SETD4: variants seen among roughly 807,000 people sequenced by gnomAD.
SETD4 encodes the protein SET domain-containing protein 4.
In SETD4, 46 loss-of-function variants were observed where a neutral mutation model predicts 58.3. The observed-to-expected ratio is 0.79, with a 90% CI of 0.62 to 1.01. The LOEUF is 1.01. SETD4 is among the 50% of genes least tolerant of loss of function. The probability of loss-of-function intolerance (pLI) is 0.00; values close to 1 mark genes in which losing one functional copy is unlikely to be tolerated. For missense variants in SETD4, 490 were observed against 523.3 expected (o/e 0.94, Z 0.62); for synonymous variants, 190 against 202.6 (o/e 0.94, Z 0.53).
intron 6 of SETD4, 21 bp from the exon 7 acceptor site, chr21:36,043,977 G>C (rs906477131): frequency 6.2e-7 from 1 of 1,610,726 alleles, no homozygotes; most frequent in Admixed American, 1.7e-5. Context: ...AAACTGTTAA[G>C]GTATTTTTTA....
intron 5 of SETD4, among the ~76,000 whole-genome samples, chr21:36,046,566 T>C (rs1180930927): frequency 2.0e-5 from 3 of 152,232 alleles, no homozygotes; most frequent in Non-Finnish European, 4.4e-5. Flanking sequence ...GCCACCATAC[T>C]GGACAATGCA....
At chr21:36,055,490 G>A (rs183640894) in intron 3 of SETD4, among the ~76,000 whole-genome samples, 1 of 152,326 alleles carries the variant, frequency 6.6e-6, no homozygotes, top group African/African-American at 2.4e-5. Flanking sequence ...GCTGCGGTCA[G>A]TTCCCAAGGC....
rs550186888 is a variant in SETD4 at position 36,058,093 on chromosome 21, T to C, written c.73+723A>G. On this transcript the variant is annotated intron_variant, in intron 2 of 11. Coordinates refer to ENST00000332131, the MANE Select transcript of SETD4 (RefSeq NM_017438.5). ...GAAGGTCAAGACCAGAAAAAGAAAG[T>C]TGGGAGTCATCCCCAGAGAAGACAG... 3.9e-5 allele frequency among the ~76,000 whole-genome samples: 6 copies of C among 152,362 alleles called. 1 individual carries two copies. The highest frequency in any genetic ancestry group is 1.9e-4 in the East Asian group (1 of 5,190).
Position 36,058,860 on chromosome 21 carries a change from C to A in SETD4, c.29G>T (p.Arg10Leu). 2 of 1,601,578 alleles carry A rather than the reference C, an allele frequency of 1.2e-6. No homozygotes were observed. The highest frequency in any genetic ancestry group is 1.7e-6 in the Non-Finnish European group (2 of 1,175,348). Reference sequence around the variant, plus strand: ...TCCGCAGAGTTTTCGTCTTCTGATCCGGCTTGTTCTCCCTTTTCCTTTCTG... The same window carrying A: ...TCCGCAGAGTTTTCGTCTTCTGATCAGGCTTGTTCTCCCTTTTCCTTTCTG... MQKGKGRTS[R>L]IRRRKLCGSS... The change falls in exon 2 of 12, where the codon CGG (arginine) becomes CTG (leucine). Residue 10 changes from arginine to leucine, a missense_variant. By Grantham distance (102) the Arg-to-Leu change is moderately radical. Coordinates refer to ENST00000332131, the MANE Select transcript of SETD4 (RefSeq NM_017438.5).
intron 4 of SETD4, among the ~76,000 whole-genome samples, chr21:36,052,725 C>T (rs992251355): frequency 1.3e-5 from 2 of 151,996 alleles, no homozygotes; most frequent in Non-Finnish European, 2.9e-5. Context: ...GAAAATCGTG[C>T]GCTAGAGATC....
chr21:36,034,869 CTGAATAT>C lies in SETD4; in HGVS notation c.*1117_*1123del, dbSNP rs1461455400. Reference sequence around the variant, plus strand: ...ATATGATGAAATACACTGCATTATACTGAATATTGAAAAAAAATATACTGCAGCTACT... The same window carrying C: ...ATATGATGAAATACACTGCATTATACTGAAAAAAAATATACTGCAGCTACT... On this transcript the variant is annotated 3_prime_UTR_variant, in exon 12 of 12. Transcript: ENST00000332131. 1 of 152,074 alleles carries C rather than the reference CTGAATAT, an allele frequency of 6.6e-6. No homozygotes were observed. Among genetic ancestry groups the C allele is most frequent in the Non-Finnish European group, 1.5e-5 (1 of 68,014 alleles). 9.4% of individuals were successfully genotyped at this position (152,074 alleles called of 1,614,324 possible). A position where few individuals can be genotyped will look rare whatever the true frequency, so the allele number is the denominator to read the frequency against.
chr21:36,055,368 G>C (rs1277036731), intron 3 of SETD4, among the ~76,000 whole-genome samples: 5 of 152,202 alleles, frequency 3.3e-5, no homozygotes, highest in Non-Finnish European at 7.4e-5. Context: ...GCCATTAGGA[G>C]CTCATGAGAG....
chr21:36,054,111 C>G (rs1255633771), intron 3 of SETD4, among the ~76,000 whole-genome samples: 1 of 152,192 alleles, frequency 6.6e-6, no homozygotes, highest in Non-Finnish European at 1.5e-5. Flanking sequence ...AGACATCCTC[C>G]CCTCTCTGAT....
intron 4 of SETD4, 62 bp downstream of exon 4, chr21:36,053,521 A>T: frequency 6.4e-7 from 1 of 1,564,256 alleles, no homozygotes; most frequent in Non-Finnish European, 8.8e-7. Context: ...ACTTCGTTTG[A>T]ACCGCAAAAA....
chr21:36,054,773 T>A (rs1191351773), intron 3 of SETD4, among the ~76,000 whole-genome samples: 1 of 150,070 alleles, frequency 6.7e-6, no homozygotes, highest in African/African-American at 2.5e-5. Context: ...TCCTGGCAGG[T>A]TGGATTTGAT....
Position 36,041,409 on chromosome 21 carries a change from TGGAATC to T in SETD4, c.983+392_983+397del, listed in dbSNP as rs570205395. On this transcript the variant is annotated intron_variant, in intron 8 of 11. Coordinates refer to ENST00000332131, the MANE Select transcript of SETD4 (RefSeq NM_017438.5). ...TTGAACCCTGTTTAGCCACTTGGCA[TGGAATC>T]ACCTCGCTACCCACCTACCCCAAGA... Among the ~76,000 whole-genome samples, 51 of 152,230 alleles carry T rather than the reference TGGAATC, an allele frequency of 3.4e-4. No homozygotes were observed. The South Asian group carries it at 0.01, about 31-fold the overall frequency.
intron 1 of SETD4, chr21:36,059,741 C>G: frequency 1.0e-6 from 1 of 984,582 alleles, no homozygotes; most frequent in Non-Finnish European, 1.2e-6. Context: ...CTAAAACATA[C>G]GAGGGCAGAA....
At chr21:36,037,968 C>G (rs2063862921) in intron 10 of SETD4, among the ~76,000 whole-genome samples, 182 bp downstream of exon 10, 1 of 152,184 alleles carries the variant, frequency 6.6e-6, no homozygotes, top group Non-Finnish European at 1.5e-5. Flanking sequence ...TGCACTCCAG[C>G]CTGGGCAACA....
chr21:36,043,471 AACG>A (rs911031369), intron 7 of SETD4: 2 of 432,274 alleles, frequency 4.6e-6, no homozygotes, highest in Non-Finnish European at 5.7e-6. Context: ...TGCCAGTGAC[AACG>A]TCTCAGTATA....
chr21:36,057,025 T>A (rs2065018347), intron 3 of SETD4, 84 bp downstream of exon 3: 1 of 1,060,044 alleles, frequency 9.4e-7, no homozygotes, highest in African/African-American at 1.6e-5. Context: ...CAATATCTGC[T>A]GAGGCCCACC....
At position 36,035,012 on chromosome 21, in the gene SETD4, T is replaced by C. The variant is rs1029828627; in HGVS notation, c.*981A>G. 4 of 152,180 alleles carry C rather than the reference T, an allele frequency of 2.6e-5. No individual in the cohort carries two copies. The highest frequency in any genetic ancestry group is 9.7e-5 in the African/African-American group (4 of 41,438). The allele number at this position is 152,180 out of a possible 1,614,324, so 9.4% of individuals were successfully genotyped here. ...CCTGAGGCCAGCAGGTCCCGTTCAT[T>C]TGGTTTCACTAGGCTCCAATGAGAA... On this transcript the variant is annotated 3_prime_UTR_variant, in exon 12 of 12. Coordinates refer to ENST00000332131, the MANE Select transcript of SETD4 (RefSeq NM_017438.5).
intron 4 of SETD4, chr21:36,050,113 A>G: frequency 1.4e-6 from 1 of 698,626 alleles, no homozygotes; most frequent in Admixed American, 2.2e-5. Context: ...TGTGCTCAGG[A>G]CTCTTGCAGA....
intron 3 of SETD4, among the ~76,000 whole-genome samples, chr21:36,055,430 C>A (rs2064941267): frequency 1.3e-5 from 2 of 152,302 alleles, no homozygotes; most frequent in African/African-American, 4.8e-5. Flanking sequence ...TATCATCAAT[C>A]TACATGGGAG....
At position 36,057,534 on chromosome 21, in the gene SETD4, T is replaced by A. The variant is rs1182944953; in HGVS notation, c.74-330A>T. On this transcript the variant is annotated intron_variant, in intron 2 of 11. Transcript: ENST00000332131. The stretch of plus-strand genomic sequence containing the variant: ...CTGAGGACCACCACTGTACATGTGA[T>A]CCATCAACCAAAACATACTTATGCA... 3 of 524,774 alleles carry A rather than the reference T, an allele frequency of 5.7e-6. No individual in the cohort carries two copies. The African/African-American group carries it at 5.8e-5, about 10-fold the overall frequency. 32.5% of individuals were successfully genotyped at this position (524,774 alleles called of 1,614,324 possible).
Sources: gnomAD v4.1 joint callset for allele counts (sites outside exome capture counted in the v4.1 genomes callset) on GRCh38, gnomAD v4.1.1 for gene constraint, MANE v1.5 for transcripts, NCBI Gene and HGNC (gene_info 2026-07-23, HGNC 2026-07-21) for gene names.